GULP1: variants seen among roughly 807,000 people sequenced by gnomAD.
The protein encoded by GULP1 is GULP PTB domain containing engulfment adaptor 1.
In GULP1, 19 loss-of-function variants were observed where a neutral mutation model predicts 40.9. The observed-to-expected ratio is 0.46, with a 90% CI of 0.32 to 0.68. GULP1 has a LOEUF of 0.68. Among genes scored for constraint, GULP1 ranks in the 30% least tolerant of loss-of-function variants. The pLI is 0.03. For missense variants in GULP1, 312 were observed against 362.2 expected (o/e 0.86, Z 1.12); for synonymous variants, 119 against 117.6 (o/e 1.01, Z -0.08).
intron 2 of GULP1, among the ~76,000 whole-genome samples, chr2:188,409,837 A>G (rs991747903): frequency 6.6e-6 from 1 of 152,194 alleles, no homozygotes; most frequent in Non-Finnish European, 1.5e-5. Context: ...ATATAATACA[A>G]CATAGTAACA....
chr2:188,575,136 G>A (rs1359479970), intron 9 of GULP1, among the ~76,000 whole-genome samples: 1 of 152,120 alleles, frequency 6.6e-6, no homozygotes, highest in African/African-American at 2.4e-5. Context: ...GTTTTATGGT[G>A]TACATTTTAG....
At chr2:188,466,050 T>C (rs1215475423) in intron 2 of GULP1, among the ~76,000 whole-genome samples, 4 of 151,998 alleles carry the variant, frequency 2.6e-5, no homozygotes, top group Non-Finnish European at 5.9e-5. Flanking sequence ...CCTTCTATTT[T>C]GCCATTTTGT....
chr2:188,334,556 G>A (rs2152083387), intron 1 of GULP1, among the ~76,000 whole-genome samples: 1 of 152,304 alleles, frequency 6.6e-6, no homozygotes, highest in South Asian at 2.1e-4. Flanking sequence ...CCCATTTGCA[G>A]CTAGGATTGA....
intron 2 of GULP1, among the ~76,000 whole-genome samples, chr2:188,427,804 C>T (rs188649173): frequency 1.3e-5 from 2 of 152,336 alleles, no homozygotes; most frequent in East Asian, 3.9e-4. Context: ...TTGAAGCCCC[C>T]ACACAGAATC....
chr2:188,577,937 T>A (rs1700486073), intron 9 of GULP1, among the ~76,000 whole-genome samples: 1 of 152,028 alleles, frequency 6.6e-6, no homozygotes, highest in Admixed American at 6.6e-5. Context: ...TAATGTTATT[T>A]ATAATTTTTC....
At chr2:188,535,078 T>G (rs1688573532) in intron 6 of GULP1, among the ~76,000 whole-genome samples, 1 of 151,200 alleles carries the variant, frequency 6.6e-6, no homozygotes, top group Non-Finnish European at 1.5e-5. Flanking sequence ...TTTAATTATT[T>G]AATATTAAAG....
intron 2 of GULP1, among the ~76,000 whole-genome samples, chr2:188,427,298 A>G (rs1288911775): frequency 6.6e-6 from 1 of 152,214 alleles, no homozygotes; most frequent in Non-Finnish European, 1.5e-5. Context: ...GAAAATTTGC[A>G]GCCTAGCCCA....
chr2:188,452,365 A>G (rs1575350232), intron 2 of GULP1, among the ~76,000 whole-genome samples: 1 of 152,196 alleles, frequency 6.6e-6, no homozygotes, highest in Non-Finnish European at 1.5e-5. Flanking sequence ...CTGCCTGACA[A>G]CAATTTTAGG....
intron 2 of GULP1, among the ~76,000 whole-genome samples, chr2:188,398,083 A>G (rs1487734512): frequency 6.6e-6 from 1 of 152,238 alleles, no homozygotes; most frequent in Non-Finnish European, 1.5e-5. Flanking sequence ...AGACATGTGT[A>G]TTTAAAAGAT....
intron 3 of GULP1, among the ~76,000 whole-genome samples, chr2:188,478,712 A>G (rs1003816095): frequency 2.0e-5 from 3 of 152,218 alleles, no homozygotes; most frequent in East Asian, 3.9e-4. Flanking sequence ...TGGAAGATGC[A>G]TCTTGAATGC....
intron 1 of GULP1, among the ~76,000 whole-genome samples, chr2:188,332,409 T>TG (rs1301520173): frequency 1.3e-5 from 2 of 152,036 alleles, no homozygotes; most frequent in African/African-American, 4.8e-5. Flanking sequence ...AGGCTGGTCT[T>TG]GAACTCCTGA....
intron 1 of GULP1, among the ~76,000 whole-genome samples, chr2:188,368,975 A>G (rs1248532530): frequency 9.3e-6 from 1 of 107,370 alleles, no homozygotes; most frequent in South Asian, 2.9e-4. Context: ...ATATATATAT[A>G]TATTTGAGAC....
At chr2:188,571,607 C>A (rs1013113171) in intron 9 of GULP1, among the ~76,000 whole-genome samples, 1 of 152,090 alleles carries the variant, frequency 6.6e-6, no homozygotes, top group African/African-American at 2.4e-5. Context: ...CTGTCTGCTG[C>A]TCACCAGGAT....
intron 2 of GULP1, among the ~76,000 whole-genome samples, chr2:188,450,151 T>C (rs1016429965): frequency 6.6e-6 from 1 of 152,170 alleles, no homozygotes; most frequent in Admixed American, 6.5e-5. Flanking sequence ...TTAAGAAAGA[T>C]ACTTTAGTGA....
chr2:188,300,262 T>C (rs746016458), intron 1 of GULP1, among the ~76,000 whole-genome samples: 2 of 152,210 alleles, frequency 1.3e-5, no homozygotes, highest in Non-Finnish European at 1.5e-5. Context: ...TCTTGTCTTA[T>C]ATTTGTTTAT....
At chr2:188,343,663 G>T (rs2152205355) in intron 1 of GULP1, among the ~76,000 whole-genome samples, 1 of 152,230 alleles carries the variant, frequency 6.6e-6, no homozygotes, top group Middle Eastern at 3.4e-3. Context: ...GTTCTACAAA[G>T]ACTTTCTTAT....
chr2:188,351,890 G>A (rs982665557), intron 1 of GULP1, among the ~76,000 whole-genome samples: 1 of 151,966 alleles, frequency 6.6e-6, no homozygotes, highest in African/African-American at 2.4e-5. Flanking sequence ...CAAGCCCCAC[G>A]AGAAGAAATT....
At chr2:188,457,345 G>T (rs895784787) in intron 2 of GULP1, among the ~76,000 whole-genome samples, 1 of 152,154 alleles carries the variant, frequency 6.6e-6, no homozygotes, top group African/African-American at 2.4e-5. Context: ...GGAAGAACCT[G>T]TTGGGAGGTG....
rs138472474 is a variant in GULP1, at chr2:188,325,572, C to A, written c.-172+33406C>A. Among the ~76,000 whole-genome samples the A allele has an allele frequency of 9.9e-3, 1,505 of 151,980 alleles. 35 individuals carry two copies. The highest frequency in any genetic ancestry group is 0.034 in the African/African-American group (1,419 of 41,474). ...CTTTTTCATTATTAGTAATTATTAT[C>A]CTAGCTATAATTTTTTATGTTTAAT... On this transcript the variant is annotated intron_variant, in intron 1 of 11. Transcript: ENST00000409830.
Sources: gnomAD v4.1 joint callset for allele counts (sites outside exome capture counted in the v4.1 genomes callset) on GRCh38, gnomAD v4.1.1 for gene constraint, MANE v1.5 for transcripts, NCBI Gene and HGNC (gene_info 2026-07-23, HGNC 2026-07-21) for gene names.